CSMD2: variants seen among roughly 807,000 people sequenced by gnomAD.
CSMD2 encodes the protein CUB and sushi domain-containing protein 2.
CSMD2 carries 130 observed loss-of-function variants against 398.5 expected under a neutral mutation model. That is an observed-to-expected ratio of 0.33 (90% CI 0.28 to 0.38). The LOEUF (loss-of-function observed/expected upper bound fraction) is 0.38, where lower values mean the gene tolerates loss of function less well. CSMD2 is among the 10% of genes least tolerant of loss of function. The pLI is 1.00. For missense variants in CSMD2, 3,829 were observed against 4,764.9 expected (o/e 0.80, Z 5.78); for synonymous variants, 1,828 against 1,908.5 (o/e 0.96, Z 1.10).
At position 34,156,352 on chromosome 1, in the gene CSMD2, C is replaced by T. The variant is rs149848842; in HGVS notation, c.187+8559G>A. Among the ~76,000 whole-genome samples the T allele has an allele frequency of 1.6e-3, 241 of 152,096 alleles. 1 individual carries two copies. The highest frequency in any genetic ancestry group is 5.4e-3 in the African/African-American group (226 of 41,492). On this transcript the variant is annotated intron_variant, in intron 1 of 70. Coordinates refer to ENST00000373381, the MANE Select transcript of CSMD2 (RefSeq NM_001281956.2). Reference sequence around the variant, plus strand: ...GGCAGCAACCTGAAGACAAACCTCCCGAGGCCTGAGTCGACTCTACCACAC... The same window carrying T: ...GGCAGCAACCTGAAGACAAACCTCCTGAGGCCTGAGTCGACTCTACCACAC...
At chr1:33,611,967 T>C (rs1016237397) in intron 40 of CSMD2, among the ~76,000 whole-genome samples, 8 of 152,242 alleles carry the variant, frequency 5.3e-5, no homozygotes, top group African/African-American at 1.9e-4. Flanking sequence ...AAAGCCCATA[T>C]TGCATTGATA....
intron 19 of CSMD2, among the ~76,000 whole-genome samples, chr1:33,720,136 G>A (rs949059956): frequency 4.6e-5 from 7 of 152,210 alleles, no homozygotes; most frequent in East Asian, 1.9e-4. Flanking sequence ...AACAGAGAAC[G>A]AAGAATGCCC....
intron 5 of CSMD2, among the ~76,000 whole-genome samples, chr1:33,895,066 G>A (rs1171432424): frequency 6.6e-6 from 1 of 152,210 alleles, no homozygotes; most frequent in Non-Finnish European, 1.5e-5. Flanking sequence ...CAGTGGCCAT[G>A]AGGATGAATA....
At chr1:33,597,081 CTG>C (rs1639890698) in intron 44 of CSMD2, among the ~76,000 whole-genome samples, 1 of 151,872 alleles carries the variant, frequency 6.6e-6, no homozygotes, top group Non-Finnish European at 1.5e-5. Context: ...GCATTTTTCT[CTG>C]TAATTCAAAC....
intron 3 of CSMD2, among the ~76,000 whole-genome samples, chr1:33,950,056 ACCTT>A (rs1489798776): frequency 6.6e-6 from 1 of 151,902 alleles, no homozygotes; most frequent in Non-Finnish European, 1.5e-5. Context: ...CTCTTGAATT[ACCTT>A]CCTTCCATCT....
At chr1:33,764,886 T>A (rs1650292271) in intron 13 of CSMD2, among the ~76,000 whole-genome samples, 1 of 152,204 alleles carries the variant, frequency 6.6e-6, no homozygotes, top group Non-Finnish European at 1.5e-5. Context: ...ACACTAGGTT[T>A]CAGCCATAGA....
chr1:33,622,400 T>C (rs113338109), intron 36 of CSMD2, 129 bp from the exon 37 acceptor site: 1 of 672,616 alleles, frequency 1.5e-6, no homozygotes, highest in Admixed American at 2.3e-5. Context: ...TCCCCAGTTA[T>C]GAAACTCACT....
intron 11 of CSMD2, among the ~76,000 whole-genome samples, chr1:33,791,048 T>C (rs1178631546): frequency 1.3e-5 from 2 of 151,332 alleles, no homozygotes; most frequent in East Asian, 3.9e-4. Context: ...TATAGCATCA[T>C]CTCCAGGTAG....
chr1:33,961,486 C>T (rs982038291), intron 3 of CSMD2, among the ~76,000 whole-genome samples: 17 of 152,216 alleles, frequency 1.1e-4, no homozygotes, highest in African/African-American at 2.4e-4. Context: ...GTTCCAAGCA[C>T]GGTTCTGGAA....
chr1:33,865,018 G>C (rs555477349), intron 5 of CSMD2, among the ~76,000 whole-genome samples: 1 of 149,556 alleles, frequency 6.7e-6, no homozygotes, highest in East Asian at 2.0e-4. Flanking sequence ...GGCTGGCTTT[G>C]AGAGAAGTGT....
rs1011754117 is a variant in CSMD2, at chr1:33,635,827, G to A, written c.4970-497C>T. Among the ~76,000 whole-genome samples, 2 of 152,084 alleles carry A rather than the reference G, an allele frequency of 1.3e-5. No homozygotes were observed. The highest frequency in any genetic ancestry group is 4.8e-5 in the African/African-American group (2 of 41,398). ...AAGGTGCCCAATTTCCACAAGGGGC[G>A]GGTCTGAGCCTGCCTCTCTTACCAT... On this transcript the variant is annotated intron_variant, in intron 30 of 70. Transcript: ENST00000373381. The surrounding 1 kb of genome is among the most constrained non-coding windows in gnomAD (Gnocchi z 5.0).
chr1:34,145,570 AGAAATGGG>A (rs1425201634), intron 1 of CSMD2, among the ~76,000 whole-genome samples: 1 of 152,244 alleles, frequency 6.6e-6, no homozygotes, highest in African/African-American at 2.4e-5. Flanking sequence ...ACACAGAAAT[AGAAATGGG>A]GAAATGAATC....
At chr1:33,770,938 C>A (rs888329049) in intron 13 of CSMD2, among the ~76,000 whole-genome samples, 5 of 152,222 alleles carry the variant, frequency 3.3e-5, no homozygotes, top group African/African-American at 1.2e-4. Context: ...TATAAACCTG[C>A]TCCTAAGAGC....
chr1:33,550,279 C>T lies in CSMD2; in HGVS notation c.8815G>A (p.Val2939Met). The change falls in exon 56 of 71, where the codon GTG (valine) becomes ATG (methionine). Residue 2939 changes from valine (V) to methionine (M), a missense_variant. Coordinates refer to ENST00000373381, the MANE Select transcript of CSMD2 (RefSeq NM_001281956.2). The part of the protein sequence containing the change: ...MSGDSYTVGA[V>M]VRYSCIGKRT... Reference sequence around the variant, plus strand: ...TTGCCGATGCAGCTGTACCGCACCACTGCTCCCACAGTATAACTGTCTCCA... The same window carrying T: ...TTGCCGATGCAGCTGTACCGCACCATTGCTCCCACAGTATAACTGTCTCCA... 1.2e-6 allele frequency: 2 copies of T among 1,614,268 alleles called. No individual in the cohort carries two copies. Among genetic ancestry groups the T allele is most frequent in the Non-Finnish European group, 1.7e-6 (2 of 1,180,052 alleles).
chr1:33,589,001 T>G (rs1221373606), intron 44 of CSMD2, among the ~76,000 whole-genome samples: 1 of 152,212 alleles, frequency 6.6e-6, no homozygotes, highest in African/African-American at 2.4e-5. Context: ...TCCCTGCATA[T>G]AGATTTATTG....
chr1:33,544,387 G>A (rs1240346313), intron 57 of CSMD2, among the ~76,000 whole-genome samples: 4 of 151,892 alleles, frequency 2.6e-5, no homozygotes, highest in Non-Finnish European at 4.4e-5. Flanking sequence ...AAAGTGCTGG[G>A]ATTACAGGCG....
At chr1:33,720,755 T>C (rs1302750018) in intron 19 of CSMD2, among the ~76,000 whole-genome samples, 1 of 152,230 alleles carries the variant, frequency 6.6e-6, no homozygotes, top group African/African-American at 2.4e-5. Context: ...TGGAGTGCAA[T>C]GGCACGATCT....
chr1:34,136,465 G>A (rs557266206), intron 1 of CSMD2, among the ~76,000 whole-genome samples: 2 of 152,324 alleles, frequency 1.3e-5, no homozygotes, highest in East Asian at 3.9e-4. Context: ...AGATCATGAA[G>A]ACAGTGTTTG....
chr1:34,082,906 C>CA (rs2148344031), intron 2 of CSMD2, among the ~76,000 whole-genome samples: 1 of 152,112 alleles, frequency 6.6e-6, no homozygotes, highest in East Asian at 1.9e-4. Context: ...TCCCTAATCT[C>CA]AAGTACCCAG....
Sources: allele counts gnomAD v4.1 joint callset (sites outside exome capture counted in the v4.1 genomes callset), GRCh38; gene constraint gnomAD v4.1.1; non-coding constraint Gnocchi (gnomAD v3.1); transcripts MANE v1.5; gene names NCBI Gene and HGNC (gene_info 2026-07-23, HGNC 2026-07-21).